ST3GAL5: variants seen among roughly 807,000 people sequenced by gnomAD.
ST3GAL5 encodes the protein ST3 beta-galactoside alpha-2,3-sialyltransferase 5.
ST3GAL5 carries 25 observed loss-of-function variants against 46.1 expected under a neutral mutation model. That is an observed-to-expected ratio of 0.54 (90% confidence interval 0.40 to 0.76). ST3GAL5 has a LOEUF of 0.76. Ranked by LOEUF, ST3GAL5 falls within the 30% of genes least tolerant of loss-of-function variation. The pLI is 0.00. For synonymous variants in ST3GAL5, 182 were observed against 192.7 expected (o/e 0.94, Z 0.46); for missense variants, 431 against 521.2 (o/e 0.83, Z 1.69).
Position 85,879,554 on chromosome 2 carries a change from G to A in ST3GAL5, c.82+9270C>T, listed in dbSNP as rs542007964. ...CAAGCTTTTACATAATAGCTTTCCTGTGGTGGGCCTGTGTGACAGCACATT... is the reference window on the plus strand; with the variant it reads ...CAAGCTTTTACATAATAGCTTTCCTATGGTGGGCCTGTGTGACAGCACATT... On this transcript the variant is annotated intron_variant, in intron 1 of 6. Coordinates refer to ENST00000638572, the MANE Select transcript of ST3GAL5 (RefSeq NM_003896.4). Among the ~76,000 whole-genome samples, 163 of 152,264 alleles carry A rather than the reference G, an allele frequency of 1.1e-3. 2 individuals are homozygous for A. The highest frequency in any genetic ancestry group is 3.8e-3 in the African/African-American group (157 of 41,534).
intron 3 of ST3GAL5, chr2:85,850,899 C>T (rs1250837042): frequency 2.6e-5 from 4 of 151,288 alleles, no homozygotes; most frequent in African/African-American, 4.9e-5. Context: ...AGGTTTCAAA[C>T]TTAATTTTCT....
intron 6 of ST3GAL5, among the ~76,000 whole-genome samples, chr2:85,841,300 T>C (rs1682054602): frequency 6.6e-6 from 1 of 152,060 alleles, no homozygotes; most frequent in South Asian, 2.1e-4. Context: ...GCTAAGCCAG[T>C]TTCTTCCCAC....
chr2:85,854,975 C>CAAAG (rs1202803330), intron 3 of ST3GAL5: 1 of 152,236 alleles, frequency 6.6e-6, no homozygotes, highest in Non-Finnish European at 1.5e-5. Flanking sequence ...CTCTAGGCAG[C>CAAAG]AAAGAAAGAA....
intron 1 of ST3GAL5, among the ~76,000 whole-genome samples, chr2:85,868,490 T>C (rs1191448087): frequency 6.6e-6 from 1 of 151,236 alleles, no homozygotes; most frequent in African/African-American, 2.4e-5. Flanking sequence ...TTTTTTTTTT[T>C]TGTATAGACG....
In ST3GAL5 at chr2:85,863,386, C is replaced by T. The variant is rs577828669; in HGVS notation, c.182G>A (p.Ser61Asn). The T allele has an allele frequency of 6.2e-7, 1 of 1,614,206 alleles. No individual in the cohort carries two copies. The highest frequency in any genetic ancestry group is 8.5e-7 in the Non-Finnish European group (1 of 1,180,030). The change falls in exon 2 of 7, where the codon AGC becomes AAC. Residue 61 changes from serine (S) to asparagine (N), a missense_variant. Coordinates refer to ENST00000638572, the MANE Select transcript of ST3GAL5 (RefSeq NM_003896.4). ...TRAQSKMRRP[S>N]LLLKDILKCT... ...CTTGAGGATGTCTTTTAATAACAAG[C>T]TGGGCCTTCTCATCTTGCTTTGAGC... is the stretch of plus-strand genomic sequence containing the variant.
chr2:85,860,006 C>T (rs1389605435), intron 3 of ST3GAL5, among the ~76,000 whole-genome samples: 1 of 152,158 alleles, frequency 6.6e-6, no homozygotes, highest in Non-Finnish European at 1.5e-5. Flanking sequence ...GACTCTGAAA[C>T]CACACCACTG....
chr2:85,885,951 G>C (rs1687707315), intron 1 of ST3GAL5, among the ~76,000 whole-genome samples: 1 of 152,092 alleles, frequency 6.6e-6, no homozygotes, highest in South Asian at 2.1e-4. Context: ...CCAGACACTA[G>C]AGTGGTCACA....
rs751569436 is a variant in ST3GAL5 at position 85,846,395 on chromosome 2, C to T, written c.831G>A (p.Met277Ile). 4.3e-6 allele frequency: 7 copies of T among 1,613,920 alleles called. No individual in the cohort carries two copies. Among genetic ancestry groups the T allele is most frequent in the Non-Finnish European group, 5.9e-6 (7 of 1,179,952 alleles). The change falls in exon 5 of 7, where the codon ATG becomes ATA. Residue 277 changes from methionine to isoleucine, a missense_variant. Coordinates refer to ENST00000638572, the MANE Select transcript of ST3GAL5 (RefSeq NM_003896.4). ...KSVDFNWLQAMVKKETLPFWV... is the reference protein window; with the variant it reads ...KSVDFNWLQAIVKKETLPFWV... ...TGCTTACCAGGGTTTCCTTTTTTAC[C>T]ATTGCTTGAAGCCAGTTGAAATCAA...
At chr2:85,878,379 C>T (rs1343071650) in intron 1 of ST3GAL5, among the ~76,000 whole-genome samples, 9 of 152,026 alleles carry the variant, frequency 5.9e-5, no homozygotes, top group South Asian at 2.1e-4. Context: ...ACTATCATGA[C>T]GGGGGTCATG....
chr2:85,862,219 T>C (rs1684806080), intron 2 of ST3GAL5, among the ~76,000 whole-genome samples: 1 of 152,080 alleles, frequency 6.6e-6, no homozygotes, highest in African/African-American at 2.4e-5. Flanking sequence ...TGTATAATGA[T>C]AAGTGAACAG....
intron 1 of ST3GAL5, among the ~76,000 whole-genome samples, chr2:85,883,067 T>C (rs555841739): frequency 2.0e-4 from 31 of 152,246 alleles, no homozygotes; most frequent in South Asian, 1.7e-3. Context: ...GCTAAGACTT[T>C]GGGTGAGTGT....
At chr2:85,852,932 G>A (rs1453466421) in intron 3 of ST3GAL5, 1 of 1,301,898 alleles carries the variant, frequency 7.7e-7, no homozygotes, top group Non-Finnish European at 1.0e-6. Context: ...GTTTGAAGAT[G>A]CTGGTGCCTG....
intron 1 of ST3GAL5, among the ~76,000 whole-genome samples, chr2:85,865,147 T>G (rs1685155866): frequency 6.6e-6 from 1 of 152,232 alleles, no homozygotes; most frequent in South Asian, 2.1e-4. Flanking sequence ...TAAGGAATGG[T>G]TAATTAAAGG....
intron 6 of ST3GAL5, among the ~76,000 whole-genome samples, chr2:85,842,825 G>A (rs1049603542): frequency 6.6e-6 from 1 of 151,036 alleles, no homozygotes; most frequent in East Asian, 1.9e-4. Context: ...GCAATGGGGC[G>A]ATCTCGGCTC....
In ST3GAL5 at chr2:85,851,207, G is replaced by A. The variant is rs112701579; in HGVS notation, c.319-3003C>T. 1.4e-3 allele frequency: 1,403 copies of A among 1,034,100 alleles called. 14 individuals are homozygous for A. The African/African-American group carries it at 0.019, about 14-fold the overall frequency. The allele number at this position is 1,034,100 out of a possible 1,614,324, so 64.1% of individuals were successfully genotyped here. A position where few individuals can be genotyped will look rare whatever the true frequency, so the allele number is the denominator to read the frequency against. On this transcript the variant is annotated intron_variant, in intron 3 of 6. Coordinates refer to ENST00000638572, the MANE Select transcript of ST3GAL5 (RefSeq NM_003896.4). Reference sequence around the variant, plus strand: ...TGGGATTATAGATGTGAGCCACCACGCCCAGCCCAAACTTAATTTTCTAGA... The same window carrying A: ...TGGGATTATAGATGTGAGCCACCACACCCAGCCCAAACTTAATTTTCTAGA...
chr2:85,866,146 A>G lies in ST3GAL5; in HGVS notation c.83-2661T>C, dbSNP rs150846517. ...TCTCTCTAATGTGGACCTCTCACCT[A>G]AGCCCAGACCTGTATACCTAATGTC... On this transcript the variant is annotated intron_variant, in intron 1 of 6. Transcript: ENST00000638572. 17 of 152,346 alleles carry G rather than the reference A, an allele frequency of 1.1e-4. No homozygotes were observed. The East Asian group carries it at 3.1e-3, about 28-fold the overall frequency. The allele number at this position is 152,346 out of a possible 1,614,324, so 9.4% of individuals were successfully genotyped here. A position where few individuals can be genotyped will look rare whatever the true frequency, so the allele number is the denominator to read the frequency against.
chr2:85,872,587 A>G (rs527669638), intron 1 of ST3GAL5, among the ~76,000 whole-genome samples: 1 of 149,076 alleles, frequency 6.7e-6, no homozygotes, highest in South Asian at 2.1e-4. Context: ...TCCATCTCAA[A>G]AAAAAAAAAA....
At chr2:85,859,253 T>C (rs933906340) in intron 3 of ST3GAL5, among the ~76,000 whole-genome samples, 8 of 152,068 alleles carry the variant, frequency 5.3e-5, no homozygotes, top group Non-Finnish European at 1.2e-4. Context: ...AAAAAGAGGA[T>C]GCAAAGAGAA....
At chr2:85,877,354 C>A (rs542812166) in intron 1 of ST3GAL5, among the ~76,000 whole-genome samples, 2 of 152,366 alleles carry the variant, frequency 1.3e-5, no homozygotes, top group South Asian at 2.1e-4. Context: ...GTTCCTTTAG[C>A]CTTCTTTAAT....
Sources: gnomAD v4.1 joint callset for allele counts (sites outside exome capture counted in the v4.1 genomes callset) on GRCh38, gnomAD v4.1.1 for gene constraint, MANE v1.5 for transcripts, NCBI Gene and HGNC (gene_info 2026-07-23, HGNC 2026-07-21) for gene names.